Variants in MTMR7 observed in about 807,000 individuals in gnomAD.
MTMR7 encodes the protein myotubularin related protein 7, also known as phosphatidylinositol-3-phosphate phosphatase MTMR7.
In MTMR7, 76 loss-of-function variants were observed where a neutral mutation model predicts 81.2. The observed-to-expected ratio is 0.94, with a 90% confidence interval of 0.78 to 1.13. The LOEUF is 1.13. Ranked by LOEUF, MTMR7 falls within the 50% of genes most tolerant of loss-of-function variation. The probability of loss-of-function intolerance (pLI) is 0.00; values close to 1 mark genes in which losing one functional copy is unlikely to be tolerated. For missense variants in MTMR7, 1,044 were observed against 820.0 expected (o/e 1.27, Z -3.34); for synonymous variants, 372 against 289.8 (o/e 1.28, Z -2.88).
chr8:17,373,361 T>A, intron 1 of MTMR7, 121 bp from the exon 2 acceptor site: 1 of 1,234,198 alleles, frequency 8.1e-7, no homozygotes, highest in South Asian at 1.7e-5. Context: ...ATTCCCCCAA[T>A]AATAAAAACC....
At chr8:17,358,279 T>C (rs930524845) in intron 4 of MTMR7, among the ~76,000 whole-genome samples, 1 of 152,080 alleles carries the variant, frequency 6.6e-6, no homozygotes, top group African/African-American at 2.4e-5. Flanking sequence ...TATAATCATA[T>C]AAAATAGAAT....
intron 1 of MTMR7, among the ~76,000 whole-genome samples, chr8:17,399,060 G>T (rs764126793): frequency 2.6e-5 from 4 of 151,854 alleles, no homozygotes; most frequent in African/African-American, 9.7e-5. Context: ...TTTTGTCTAC[G>T]ATCTGGAACA....
At chr8:17,383,648 A>G (rs1288870303) in intron 1 of MTMR7, among the ~76,000 whole-genome samples, 1 of 152,246 alleles carries the variant, frequency 6.6e-6, no homozygotes, top group Non-Finnish European at 1.5e-5. Flanking sequence ...AGAGAGGAAT[A>G]TGTTTAACAA....
intron 5 of MTMR7, among the ~76,000 whole-genome samples, chr8:17,348,549 C>CAAAAA (rs10651385): frequency 6.3e-5 from 6 of 94,654 alleles, no homozygotes; most frequent in African/African-American, 1.8e-4. Context: ...GACTCTGTCT[C>CAAAAA]AAAAAAAAAA....
At chr8:17,360,991 C>G in intron 4 of MTMR7, 126 bp downstream of exon 4, 2 of 1,090,252 alleles carry the variant, frequency 1.8e-6, no homozygotes, top group East Asian at 5.0e-5. Flanking sequence ...CAAGAGAGAC[C>G]TGGAAATCCA....
chr8:17,329,096 T>G (rs1041834761), intron 7 of MTMR7, among the ~76,000 whole-genome samples: 3 of 152,176 alleles, frequency 2.0e-5, no homozygotes, highest in African/African-American at 7.2e-5. Flanking sequence ...ATAACAGTAG[T>G]AAAAAATAAT....
intron 1 of MTMR7, among the ~76,000 whole-genome samples, chr8:17,377,797 G>A (rs543580880): frequency 8.6e-5 from 13 of 151,984 alleles, no homozygotes; most frequent in Non-Finnish European, 1.3e-4. Context: ...GTTTTTAAGG[G>A]AAGCATTTTC....
chr8:17,371,757 A>C (rs564186227), intron 2 of MTMR7, among the ~76,000 whole-genome samples: 1 of 151,808 alleles, frequency 6.6e-6, no homozygotes, highest in East Asian at 1.9e-4. Context: ...TCATAGTTGT[A>C]CACATTTATG....
At chr8:17,335,014 T>G (rs548467348) in intron 6 of MTMR7, among the ~76,000 whole-genome samples, 1 of 151,894 alleles carries the variant, frequency 6.6e-6, no homozygotes, top group African/African-American at 2.4e-5. Flanking sequence ...GCACTGAGGG[T>G]CCACTACAAC....
At chr8:17,412,663 C>T (rs1476024246) in intron 1 of MTMR7, among the ~76,000 whole-genome samples, 1 of 152,158 alleles carries the variant, frequency 6.6e-6, no homozygotes, top group African/African-American at 2.4e-5. Context: ...ATCCTTTTCT[C>T]TAACGAACAA....
intron 6 of MTMR7, among the ~76,000 whole-genome samples, chr8:17,335,198 G>C (rs1053917593): frequency 1.5e-4 from 23 of 152,304 alleles, no homozygotes; most frequent in African/African-American, 4.6e-4. Context: ...CGCTGACAGA[G>C]AGGAGGGACG....
chr8:17,344,092 A>C (rs956462132), intron 5 of MTMR7, among the ~76,000 whole-genome samples: 3 of 147,926 alleles, frequency 2.0e-5, no homozygotes, highest in African/African-American at 8.0e-5. Context: ...ATTTTTATTT[A>C]ATTAGCCTAA....
At chr8:17,340,980 G>A (rs997389642) in intron 6 of MTMR7, among the ~76,000 whole-genome samples, 6 of 152,232 alleles carry the variant, frequency 3.9e-5, no homozygotes, top group Admixed American at 2.0e-4. Flanking sequence ...TGAGTACTTC[G>A]CAACAATTGA....
rs142421963 is a variant in MTMR7 at position 17,299,946 on chromosome 8, C to T, written c.1899G>A (p.Arg633=). The T allele has an allele frequency of 6.2e-7, 1 of 1,614,158 alleles. No homozygotes were observed. Among genetic ancestry groups the T allele is most frequent in the African/African-American group, 1.3e-5 (1 of 75,050 alleles). ...QESGVEDLSC[R]SPSGGEHAPS... ...GTGCATGCTCACCACCACTTGGAGA[C>T]CGACAGCTCAAATCCTCCACCCCGG... The change falls in exon 14 of 14, where the codon CGG becomes CGA. Residue 633 remains arginine, a synonymous_variant. Transcript: ENST00000180173.
intron 1 of MTMR7, among the ~76,000 whole-genome samples, chr8:17,385,967 G>A (rs1194530170): frequency 6.6e-6 from 1 of 152,290 alleles, no homozygotes; most frequent in Non-Finnish European, 1.5e-5. Context: ...ACTTGTGAAA[G>A]AACCTTGTGA....
chr8:17,330,895 G>A (rs1285113515), intron 7 of MTMR7, among the ~76,000 whole-genome samples: 1 of 152,174 alleles, frequency 6.6e-6, no homozygotes, highest in Non-Finnish European at 1.5e-5. Flanking sequence ...AAACATCCCT[G>A]TGCACTTTGA....
intron 4 of MTMR7, among the ~76,000 whole-genome samples, chr8:17,350,497 A>C (rs1260109258): frequency 1.3e-5 from 2 of 152,150 alleles, no homozygotes; most frequent in Non-Finnish European, 2.9e-5. Flanking sequence ...CATGGGAAAG[A>C]CCAGCTCCCA....
intron 9 of MTMR7, among the ~76,000 whole-genome samples, chr8:17,309,651 A>C (rs1236018814): frequency 1.3e-5 from 2 of 152,200 alleles, no homozygotes; most frequent in Non-Finnish European, 2.9e-5. Context: ...TCACTCTTTT[A>C]GAAGGGGAAA....
chr8:17,404,102 T>C (rs1821507092), intron 1 of MTMR7, among the ~76,000 whole-genome samples: 1 of 152,186 alleles, frequency 6.6e-6, no homozygotes. Context: ...CCAAATTATA[T>C]TTAACAGTAT....
Sources: allele counts gnomAD v4.1 joint callset (sites outside exome capture counted in the v4.1 genomes callset), GRCh38; gene constraint gnomAD v4.1.1; transcripts MANE v1.5; gene names NCBI Gene and HGNC (gene_info 2026-07-23, HGNC 2026-07-21).